NBEAL1: variants seen among roughly 807,000 people sequenced by gnomAD.
The protein encoded by NBEAL1 is neurobeachin-like protein 1.
In NBEAL1, 273 loss-of-function variants were observed where a neutral mutation model predicts 351.3. That is an observed-to-expected ratio of 0.78 (90% CI 0.70 to 0.86). The LOEUF is 0.86. Among genes scored for constraint, NBEAL1 ranks in the 40% least tolerant of loss-of-function variants. The probability of loss-of-function intolerance (pLI) is 0.00; values close to 1 mark genes in which losing one functional copy is unlikely to be tolerated. For missense variants in NBEAL1, 2,961 were observed against 3,201.3 expected (o/e 0.92, Z 1.81); for synonymous variants, 1,050 against 1,086.4 (o/e 0.97, Z 0.66).
chr2:203,214,297 G>A (rs944330575), intron 55 of NBEAL1, among the ~76,000 whole-genome samples: 2 of 152,254 alleles, frequency 1.3e-5, no homozygotes, highest in Non-Finnish European at 2.9e-5. Flanking sequence ...GGTATTTTCT[G>A]AGAAATCTAA....
intron 8 of NBEAL1, among the ~76,000 whole-genome samples, chr2:203,080,014 TA>T (rs1250055449): frequency 6.6e-6 from 1 of 152,228 alleles, no homozygotes; most frequent in Non-Finnish European, 1.5e-5. Flanking sequence ...GTGAACTTCA[TA>T]AACAGTTGAC....
intron 42 of NBEAL1, among the ~76,000 whole-genome samples, chr2:203,176,149 A>G (rs893653423): frequency 6.7e-6 from 1 of 149,342 alleles, no homozygotes; most frequent in Non-Finnish European, 1.5e-5. Context: ...AGCTGAAAAG[A>G]TCCAGTTATA....
Position 203,107,768 on chromosome 2 carries a change from G to A in NBEAL1, c.1529G>A (p.Arg510Gln), listed in dbSNP as rs1188860793. ...KRICCINRQSRTTCVNANMGI... is the reference protein window; with the variant it reads ...KRICCINRQSQTTCVNANMGI... ...ATTTGTTGTATTAATAGACAGAGTC[G>A]AACTACTTGTGTCAATGCAAACATG... Residue 510 changes from arginine to glutamine, a missense_variant, in exon 14 of 56, where the codon CGA becomes CAA. By Grantham distance (43) the Arg-to-Gln change is conservative (BLOSUM62 1). Coordinates refer to ENST00000683969, the MANE Select transcript of NBEAL1 (RefSeq NM_001378026.1). 1.2e-5 allele frequency: 18 copies of A among 1,554,034 alleles called. No individual in the cohort carries two copies. The highest frequency in any genetic ancestry group is 2.4e-5 in the East Asian group (1 of 41,732).
chr2:203,188,384 C>T, intron 44 of NBEAL1, 88 bp from the exon 45 acceptor site: 1 of 646,838 alleles, frequency 1.5e-6, no homozygotes, highest in Non-Finnish European at 2.4e-6. Context: ...GGAAATGTTT[C>T]ATTTGTCCTT....
chr2:203,186,925 G>C (rs2064913872), intron 44 of NBEAL1, among the ~76,000 whole-genome samples: 1 of 152,196 alleles, frequency 6.6e-6, no homozygotes, highest in Non-Finnish European at 1.5e-5. Context: ...GAGTGGGTCT[G>C]TGGGACACAA....
Position 203,127,813 on chromosome 2 carries a change from A to G in NBEAL1, c.3281A>G (p.Asp1094Gly). 2 of 1,519,746 alleles carry G rather than the reference A, an allele frequency of 1.3e-6. No individual in the cohort carries two copies. The highest frequency in any genetic ancestry group is 2.4e-5 in the South Asian group (2 of 83,452). The allele number at this position is 1,519,746 out of a possible 1,614,324, so 94.1% of individuals were successfully genotyped here. A position where few individuals can be genotyped will look rare whatever the true frequency, so the allele number is the denominator to read the frequency against. ...NGCKYNELSL[D>G]DIRTIRTSLY... The stretch of plus-strand genomic sequence containing the variant: ...TGTAAATATAATGAACTATCTCTAG[A>G]TGATATTCGAACAATAAGGACTTCT... Residue 1094 changes from aspartate (D) to glycine (G), a missense_variant, in exon 24 of 56, where the codon GAT becomes GGT. Transcript: ENST00000683969.
At chr2:203,095,048 C>G (rs767483071) in intron 10 of NBEAL1, among the ~76,000 whole-genome samples, 22 of 151,998 alleles carry the variant, frequency 1.4e-4, no homozygotes, top group Admixed American at 4.6e-4. Context: ...TGATTGAACC[C>G]AGGAGGTGGA....
At chr2:203,048,749 C>G (rs1480545533) in intron 3 of NBEAL1, among the ~76,000 whole-genome samples, 1 of 152,138 alleles carries the variant, frequency 6.6e-6, no homozygotes, top group African/African-American at 2.4e-5. Flanking sequence ...ACCAGAGGAA[C>G]CACTCATGTC....
intron 36 of NBEAL1, among the ~76,000 whole-genome samples, chr2:203,159,726 G>C (rs1241085085): frequency 6.6e-6 from 1 of 152,006 alleles, no homozygotes; most frequent in East Asian, 1.9e-4. Flanking sequence ...GCAAACATAA[G>C]TTTTTTGTTG....
Position 203,211,524 on chromosome 2 carries a change from G to A in NBEAL1, c.7934+418G>A, listed in dbSNP as rs374416288. ...TAGCTGAGCATGGTAGCATGTTCCT[G>A]TGTTCCCAGCTACTTGGGAGGCTGA... On this transcript the variant is annotated intron_variant, in intron 54 of 55. Coordinates refer to ENST00000683969, the MANE Select transcript of NBEAL1 (RefSeq NM_001378026.1). 1.1e-4 allele frequency among the ~76,000 whole-genome samples: 17 copies of A among 152,196 alleles called. No homozygotes were observed. The East Asian group carries it at 2.9e-3, about 26-fold the overall frequency.
intron 49 of NBEAL1, 84 bp from the exon 50 acceptor site, chr2:203,201,459 T>G: frequency 8.4e-7 from 1 of 1,187,616 alleles, no homozygotes; most frequent in South Asian, 3.2e-5. Flanking sequence ...TTTTATTTCT[T>G]TTTTAGAGAG....
At position 203,136,703 on chromosome 2, in the gene NBEAL1, A is replaced by G. The variant is rs1427503680; in HGVS notation, c.4494A>G (p.Gln1498=). The G allele has an allele frequency of 1.9e-6, 3 of 1,613,892 alleles. No individual in the cohort carries two copies. Among genetic ancestry groups the G allele is most frequent in the Non-Finnish European group, 2.5e-6 (3 of 1,179,854 alleles). The part of the protein sequence containing the change: ...SDDDTWIERG[Q]VFSALSKPGI... ...ATGATACTTGGATTGAACGAGGACAAGTGTTTTCAGCACTAAGTAAACCAG... is the reference window on the plus strand; with the variant it reads ...ATGATACTTGGATTGAACGAGGACAGGTGTTTTCAGCACTAAGTAAACCAG... Residue 1498 remains glutamine, a synonymous_variant, in exon 29 of 56, where the codon CAA becomes CAG. Coordinates refer to ENST00000683969, the MANE Select transcript of NBEAL1 (RefSeq NM_001378026.1).
chr2:203,184,676 T>C (rs934090158), intron 44 of NBEAL1, among the ~76,000 whole-genome samples: 5 of 151,488 alleles, frequency 3.3e-5, no homozygotes. Context: ...ATAAAATAAG[T>C]ATATATTTAT....
At chr2:203,084,298 A>T (rs1388801909) in intron 9 of NBEAL1, among the ~76,000 whole-genome samples, 165 bp from the exon 10 acceptor site, 1 of 152,170 alleles carries the variant, frequency 6.6e-6, no homozygotes, top group Non-Finnish European at 1.5e-5. Flanking sequence ...TATAGCTTCT[A>T]AAGGCATAAA....
At chr2:203,195,254 AT>A (rs1208794264) in intron 47 of NBEAL1, among the ~76,000 whole-genome samples, 1 of 152,158 alleles carries the variant, frequency 6.6e-6, no homozygotes, top group Non-Finnish European at 1.5e-5. Flanking sequence ...GCATCACTGT[AT>A]TTTTTAATTG....
Position 203,084,095 on chromosome 2 carries a change from G to A in NBEAL1, c.992-368G>A, listed in dbSNP as rs191620629. 3.7e-3 allele frequency among the ~76,000 whole-genome samples: 561 copies of A among 150,928 alleles called. 5 individuals carry two copies. The highest frequency in any genetic ancestry group is 3.1e-3 in the South Asian group (15 of 4,774). ...TTATCTCTGTCTCTATGCTCTGCAAGCTCCTTCACCAATATATTATGATTT... is the reference window on the plus strand; with the variant it reads ...TTATCTCTGTCTCTATGCTCTGCAAACTCCTTCACCAATATATTATGATTT... On this transcript the variant is annotated intron_variant, in intron 9 of 55. Coordinates refer to ENST00000683969, the MANE Select transcript of NBEAL1 (RefSeq NM_001378026.1).
intron 12 of NBEAL1, among the ~76,000 whole-genome samples, chr2:203,100,483 AT>A (rs1341989756): frequency 6.7e-6 from 1 of 149,282 alleles, no homozygotes; most frequent in East Asian, 2.0e-4. Context: ...TTTGATTTGC[AT>A]TTCTCTAATG....
In NBEAL1 at chr2:203,223,516, G is replaced by C. The variant is rs137856264; in HGVS notation, c.*6162G>C. On this transcript the variant is annotated 3_prime_UTR_variant, in exon 56 of 56. Coordinates refer to ENST00000683969, the MANE Select transcript of NBEAL1 (RefSeq NM_001378026.1). ...TTTTTCAGTGTACAGAGTGATTAGC[G>C]GCTTGTAATGCTGTTACAATGTAGC... Among the ~76,000 whole-genome samples, 5 of 151,870 alleles carry C rather than the reference G, an allele frequency of 3.3e-5. No individual in the cohort carries two copies. The highest frequency in any genetic ancestry group is 7.4e-5 in the Non-Finnish European group (5 of 67,908).
chr2:203,024,701 A>C (rs560653470), intron 2 of NBEAL1, among the ~76,000 whole-genome samples: 118 of 152,114 alleles, frequency 7.8e-4, no homozygotes, highest in Non-Finnish European at 1.4e-3. Flanking sequence ...GTCTCTACTA[A>C]AAATACAAAA....
Sources: allele counts gnomAD v4.1 joint callset (sites outside exome capture counted in the v4.1 genomes callset), GRCh38; gene constraint gnomAD v4.1.1; transcripts MANE v1.5; gene names NCBI Gene and HGNC (gene_info 2026-07-23, HGNC 2026-07-21).